Variants in SSH2 observed in about 807,000 individuals in gnomAD.
SSH2 encodes the protein protein phosphatase Slingshot homolog 2.
Under a neutral mutation model 135.2 loss-of-function variants are expected in SSH2, and 37 were observed. The observed-to-expected ratio is 0.27, with a 90% CI of 0.21 to 0.36. The LOEUF (loss-of-function observed/expected upper bound fraction) is 0.36. Ranked by LOEUF, SSH2 falls within the 10% of genes least tolerant of loss-of-function variation. The pLI is 1.00. For missense variants in SSH2, 1,408 were observed against 1,765.3 expected (o/e 0.80, Z 3.63); for synonymous variants, 628 against 646.2 (o/e 0.97, Z 0.43).
At chr17:29,771,735 A>G (rs2041590180) in intron 3 of SSH2, among the ~76,000 whole-genome samples, 2 of 152,164 alleles carry the variant, frequency 1.3e-5, no homozygotes, top group East Asian at 3.8e-4. Flanking sequence ...AGCAGGATTG[A>G]TTCAGCCCTT....
intron 3 of SSH2, among the ~76,000 whole-genome samples, chr17:29,752,630 G>C (rs1216607710): frequency 6.6e-6 from 1 of 151,908 alleles, no homozygotes; most frequent in African/African-American, 2.4e-5. Flanking sequence ...TTTTTAAAAA[G>C]CAACATGCAA....
At chr17:29,659,496 T>C (rs1174367743) in intron 11 of SSH2, among the ~76,000 whole-genome samples, 1 of 152,234 alleles carries the variant, frequency 6.6e-6, no homozygotes, top group Non-Finnish European at 1.5e-5. Context: ...TTGAGCTATC[T>C]GTTCATATCT....
intron 4 of SSH2, among the ~76,000 whole-genome samples, chr17:29,701,387 G>A (rs1195769161): frequency 1.3e-5 from 2 of 150,076 alleles, no homozygotes; most frequent in Non-Finnish European, 3.0e-5. Context: ...GATCATAGGC[G>A]CGAGCCGTGC....
chr17:29,668,049 G>C (rs950459297), intron 9 of SSH2, among the ~76,000 whole-genome samples: 9 of 152,208 alleles, frequency 5.9e-5, no homozygotes, highest in African/African-American at 1.4e-4. Context: ...GGTTGACAGA[G>C]AGTACTTTGT....
In SSH2 at chr17:29,629,624, T is replaced by A. The variant is rs1413858246; in HGVS notation, c.*1217A>T. On this transcript the variant is annotated 3_prime_UTR_variant, in exon 16 of 16. Transcript: ENST00000540801. The stretch of plus-strand genomic sequence containing the variant: ...AATAAATCAAAATTACCCTACAACA[T>A]GAACAAGACACTAAGACAGTGACAA... The A allele has an allele frequency of 6.6e-6, 1 of 152,412 alleles. No homozygotes were observed. Among genetic ancestry groups the A allele is most frequent in the Non-Finnish European group, 1.5e-5 (1 of 67,996 alleles). The allele number at this position is 152,412 out of a possible 1,614,324, so 9.4% of individuals were successfully genotyped here.
rs1044935164 is a variant in SSH2 at position 29,914,544 on chromosome 17, G to C, written c.63+15394C>G. ...ACTGCACTCCAGCCTGGGTGACAGA[G>C]AGAGACCCTGTCTGAAAAAAAAAAA... On this transcript the variant is annotated intron_variant, in intron 1 of 15. Transcript: ENST00000540801. Among the ~76,000 whole-genome samples the C allele has an allele frequency of 2.1e-5, 3 of 144,332 alleles. No individual in the cohort carries two copies. In the Admixed American group the frequency reaches 2.1e-4, roughly 10 times the overall value. The allele number at this position is 144,332 out of a possible 152,430, so 94.7% of individuals were successfully genotyped here. A position where few individuals can be genotyped will look rare whatever the true frequency, so the allele number is the denominator to read the frequency against.
At chr17:29,908,955 T>C (rs928062659) in intron 1 of SSH2, among the ~76,000 whole-genome samples, 29 of 151,644 alleles carry the variant, frequency 1.9e-4, no homozygotes, top group African/African-American at 7.0e-4. Context: ...CGGGTGCCTG[T>C]AGTCCCAGCT....
Position 29,636,635 on chromosome 17 carries a change from G to C in SSH2, c.1595C>G (p.Pro532Arg). The change falls in exon 15 of 16, where the codon CCT becomes CGT. Residue 532 changes from proline to arginine, a missense_variant. Physicochemically the swap from Pro to Arg is moderately radical, Grantham distance 103. Transcript: ENST00000540801. Reference sequence around the variant, plus strand: ...TGGGACCATATGTTCCACAAAGACAGGAGGTATGGGTGGGTGACTCTCCAT... The same window carrying C: ...TGGGACCATATGTTCCACAAAGACACGAGGTATGGGTGGGTGACTCTCCAT... ...KTMESHPPIP[P>R]VFVEHMVPQD... is the part of the protein sequence containing the mutation. 20 of 1,614,178 alleles carry C rather than the reference G, an allele frequency of 1.2e-5. No individual in the cohort carries two copies. The highest frequency in any genetic ancestry group is 1.7e-5 in the Non-Finnish European group (20 of 1,180,036).
Position 29,712,213 on chromosome 17 carries a change from C to T in SSH2, c.189-9151G>A, listed in dbSNP as rs149924730. 2.4e-3 allele frequency among the ~76,000 whole-genome samples: 369 copies of T among 152,282 alleles called. 2 individuals carry two copies. Among genetic ancestry groups the T allele is most frequent in the Middle Eastern group, 6.8e-3 (2 of 294 alleles). On this transcript the variant is annotated intron_variant, in intron 3 of 15. Coordinates refer to ENST00000540801, the MANE Select transcript of SSH2 (RefSeq NM_001282129.2). ...GGCAATCAGGTTTGCATTTATTTCA[C>T]TGGGCAGAGGAGGGATGACTTTGAG...
intron 1 of SSH2, among the ~76,000 whole-genome samples, chr17:29,867,198 A>G (rs532011597): frequency 6.6e-6 from 1 of 152,320 alleles, no homozygotes; most frequent in Admixed American, 6.5e-5. Context: ...CAGGCTGGCA[A>G]AACAAGGAGA....
chr17:29,735,768 C>T (rs1598902889), intron 3 of SSH2, among the ~76,000 whole-genome samples: 2 of 151,524 alleles, frequency 1.3e-5, no homozygotes, highest in African/African-American at 4.8e-5. Flanking sequence ...AGACCCTCTA[C>T]CTGTCCCATC....
chr17:29,748,455 T>C (rs1166546685), intron 3 of SSH2, among the ~76,000 whole-genome samples: 1 of 152,150 alleles, frequency 6.6e-6, no homozygotes, highest in African/African-American at 2.4e-5. Flanking sequence ...TCAGTATTAA[T>C]TTAAAATCAA....
At chr17:29,670,388 A>C (rs909791321) in intron 9 of SSH2, among the ~76,000 whole-genome samples, 6 of 152,206 alleles carry the variant, frequency 3.9e-5, no homozygotes, top group Non-Finnish European at 5.9e-5. Context: ...GAAAAGACCA[A>C]GGCTACTAAA....
At chr17:29,841,728 C>T (rs1474931394) in intron 2 of SSH2, among the ~76,000 whole-genome samples, 1 of 151,952 alleles carries the variant, frequency 6.6e-6, no homozygotes, top group Non-Finnish European at 1.5e-5. Flanking sequence ...TGTTCTTTTT[C>T]TGTTTTTTCT....
chr17:29,745,349 G>A (rs909626191), intron 3 of SSH2, among the ~76,000 whole-genome samples: 2 of 151,872 alleles, frequency 1.3e-5, no homozygotes, highest in African/African-American at 4.8e-5. Flanking sequence ...TAGTAGAGAC[G>A]GGGTTTCACC....
intron 14 of SSH2, among the ~76,000 whole-genome samples, chr17:29,640,084 GT>G (rs112288574): frequency 3.1e-4 from 44 of 140,368 alleles, no homozygotes; most frequent in Middle Eastern, 3.7e-3. Context: ...TTTTTTTTTT[GT>G]TTTTTTTTTT....
intron 3 of SSH2, among the ~76,000 whole-genome samples, chr17:29,704,912 G>T (rs1007390152): frequency 2.6e-5 from 4 of 152,130 alleles, no homozygotes; most frequent in Admixed American, 2.0e-4. Flanking sequence ...AATTGCTTTT[G>T]AGTACAGTAC....
intron 13 of SSH2, among the ~76,000 whole-genome samples, chr17:29,648,554 A>G (rs1294003258): frequency 1.3e-5 from 2 of 152,362 alleles, no homozygotes; most frequent in Middle Eastern, 3.4e-3. Flanking sequence ...TTCAATGTTA[A>G]TATTATGCTT....
At chr17:29,697,516 T>C (rs2038806591) in intron 4 of SSH2, among the ~76,000 whole-genome samples, 1 of 152,178 alleles carries the variant, frequency 6.6e-6, no homozygotes, top group South Asian at 2.1e-4. Flanking sequence ...TCTTTCCTTC[T>C]CATACAGAAT....
Sources: allele counts gnomAD v4.1 joint callset (sites outside exome capture counted in the v4.1 genomes callset), GRCh38; gene constraint gnomAD v4.1.1; transcripts MANE v1.5; gene names NCBI Gene and HGNC (gene_info 2026-07-23, HGNC 2026-07-21).